Variants in KCTD2 observed in about 807,000 individuals in gnomAD.
The protein encoded by KCTD2 is potassium channel tetramerization domain containing 2.
KCTD2 carries 18 observed loss-of-function variants against 27.9 expected under a neutral mutation model. That is an observed-to-expected ratio of 0.64 (90% CI 0.45 to 0.96). KCTD2 has a LOEUF of 0.96. Among genes scored for constraint, KCTD2 ranks in the 40% least tolerant of loss-of-function variants. The pLI is 0.00. For synonymous variants in KCTD2, 175 were observed against 148.4 expected, an observed-to-expected ratio of 1.18 and a Z score of -1.30; for missense variants, 280 against 348.0, an observed-to-expected ratio of 0.80 and a Z score of 1.56.
At chr17:75,046,303 C>G (rs1425928527), upstream of KCTD2, among the ~76,000 whole-genome samples, 1 of 152,126 alleles carries the variant, frequency 6.6e-6, no homozygotes, top group Non-Finnish European at 1.5e-5. Context: ...AGGCTGGTCT[C>G]GAACTCCTGA....
In KCTD2 at chr17:75,038,928, A is replaced by G. The variant is rs747857577; in HGVS notation, c.-259+3571A>G. On this transcript the variant is annotated intron_variant, in intron 3 of 7. Transcript: ENST00000581589. ...AGGGCCAGAGCTTCCTCCTGGACTC[A>G]ATTTTATAAATTCTCAATTGGTTGG... 2.5e-5 allele frequency: 40 copies of G among 1,612,148 alleles called. No homozygotes were observed. The South Asian group carries it at 4.4e-4, about 18-fold the overall frequency.
At position 75,063,353 on chromosome 17, in the gene KCTD2, T is replaced by C. The variant is rs2144945196; in HGVS notation, c.*306T>C. The C allele has an allele frequency of 9.5e-6, 4 of 420,608 alleles. No individual in the cohort carries two copies. The Admixed American group carries it at 1.0e-4, about 11-fold the overall frequency. 26.1% of individuals were successfully genotyped at this position (420,608 alleles called of 1,614,324 possible). The stretch of plus-strand genomic sequence containing the variant: ...TCCCAGTCGGAGCCTTTCGGGGATC[T>C]GGGGGATGAGGGCGGAAGGCCTAGC... On this transcript the variant is annotated 3_prime_UTR_variant, in exon 6 of 6. Coordinates refer to ENST00000322444, the MANE Select transcript of KCTD2 (RefSeq NM_015353.3).
upstream of KCTD2, among the ~76,000 whole-genome samples, chr17:75,046,151 C>T (rs542844571): frequency 6.6e-6 from 1 of 152,222 alleles, no homozygotes; most frequent in Non-Finnish European, 1.5e-5. Context: ...GGCGTGGTCT[C>T]GGCTCACTGC....
At position 75,038,954 on chromosome 17, in the gene KCTD2, T is replaced by G. The variant is rs1217437097; in HGVS notation, c.-259+3597T>G. The G allele has an allele frequency of 1.7e-5, 27 of 1,613,602 alleles. No homozygotes were observed. Among genetic ancestry groups the G allele is most frequent in the Non-Finnish European group, 1.9e-5 (22 of 1,179,856 alleles). On this transcript the variant is annotated intron_variant, in intron 3 of 7. Transcript: ENST00000581589. ...ATTTTATAAATTCTCAATTGGTTGG[T>G]GAGGCCAATAGGGATACTTTTTCTT...
intron 5 of KCTD2, 102 bp from the exon 6 acceptor site, chr17:75,062,916 A>T: frequency 7.9e-7 from 1 of 1,267,696 alleles, no homozygotes; most frequent in Admixed American, 1.8e-5. Flanking sequence ...TCCTGGGATG[A>T]CAGGACCATC....
intron 3 of KCTD2, chr17:75,038,922 G>A: frequency 1.2e-6 from 2 of 1,611,718 alleles, no homozygotes; most frequent in South Asian, 2.2e-5. Flanking sequence ...GCTTCCTCCT[G>A]GACTCAATTT....
intron 3 of KCTD2, among the ~76,000 whole-genome samples, chr17:75,037,522 G>A (rs1328462695): frequency 1.4e-4 from 22 of 152,134 alleles, no homozygotes. Context: ...ATTTGTAAAT[G>A]AGAAAATTAA....
intron 1 of KCTD2, 119 bp downstream of exon 1, chr17:75,047,708 C>T: frequency 6.8e-6 from 6 of 880,180 alleles, no homozygotes; most frequent in Non-Finnish European, 1.0e-5. Context: ...GGGACCCCAT[C>T]CTCCCCCTCC....
intron 2 of KCTD2, among the ~76,000 whole-genome samples, chr17:75,052,267 A>C (rs1370667046): frequency 6.6e-6 from 1 of 152,218 alleles, no homozygotes; most frequent in East Asian, 1.9e-4. Context: ...TAGCAGAAGG[A>C]GAGAGATTGG....
chr17:75,062,948 G>A, intron 5 of KCTD2, 70 bp from the exon 6 acceptor site: 8 of 1,548,266 alleles, frequency 5.2e-6, no homozygotes, highest in Non-Finnish European at 7.1e-6. Flanking sequence ...CGGGTCCAGT[G>A]GAAAGCATCC....
intron 3 of KCTD2, among the ~76,000 whole-genome samples, chr17:75,054,757 A>G (rs1451595276): frequency 6.6e-6 from 1 of 151,938 alleles, no homozygotes; most frequent in African/African-American, 2.4e-5. Context: ...TAGTGAGCCA[A>G]GATCGCACCA....
intron 3 of KCTD2, among the ~76,000 whole-genome samples, chr17:75,038,468 T>C (rs1268503763): frequency 2.0e-5 from 3 of 152,184 alleles, no homozygotes; most frequent in Admixed American, 6.5e-5. Context: ...TAATACCACT[T>C]TTGTGCTCAA....
In KCTD2 at chr17:75,047,493, C is replaced by T. The variant is rs768892576; in HGVS notation, c.243C>T (p.Thr81=). 1.9e-6 allele frequency: 3 copies of T among 1,603,208 alleles called. No homozygotes were observed. Among genetic ancestry groups the T allele is most frequent in the South Asian group, 1.1e-5 (1 of 90,852 alleles). The stretch of plus-strand genomic sequence containing the variant: ...GGGTCAGGCTGAACGTGGGAGGCAC[C>T]TACTTCGTGACCACCAGACAGACCT... ...ARWVRLNVGG[T]YFVTTRQTLG... is the part of the protein sequence containing the mutation. The change falls in exon 1 of 6, where the codon ACC becomes ACT. Residue 81 remains threonine (T), a synonymous_variant. Transcript: ENST00000322444.
chr17:75,050,783 A>G (rs2144927609), intron 2 of KCTD2, among the ~76,000 whole-genome samples: 1 of 152,284 alleles, frequency 6.6e-6, no homozygotes, highest in East Asian at 1.9e-4. Context: ...AGAACTCCCT[A>G]TATCCCAGAT....
chr17:75,051,346 A>G (rs12940952), intron 2 of KCTD2, among the ~76,000 whole-genome samples: 14,679 of 126,008 alleles, frequency 0.12, 1,501 homozygotes, highest in African/African-American at 0.3. Flanking sequence ...GTGCAATGGC[A>G]CTATCACAGC....
chr17:75,038,701 T>C (rs952608133), intron 3 of KCTD2, among the ~76,000 whole-genome samples: 2 of 152,166 alleles, frequency 1.3e-5, no homozygotes, highest in African/African-American at 4.8e-5. Flanking sequence ...TCAGCAGTCC[T>C]GGGGCCTCAG....
At position 75,047,352 on chromosome 17, in the gene KCTD2, A is replaced by G; in HGVS notation, c.102A>G (p.Pro34=). Reference sequence around the variant, plus strand: ...GCCCAGTCCGCGGGCCCCCCAGCCCACGCCCGGCTGGCCCCACGCCCCGCG... The same window carrying G: ...GCCCAGTCCGCGGGCCCCCCAGCCCGCGCCCGGCTGGCCCCACGCCCCGCG... ...GGGPVRGPPS[P]RPAGPTPRGH... Residue 34 remains proline, a synonymous_variant, in exon 1 of 6, where the codon CCA becomes CCG. Coordinates refer to ENST00000322444, the MANE Select transcript of KCTD2 (RefSeq NM_015353.3). The G allele has an allele frequency of 8.7e-7, 1 of 1,143,380 alleles. No individual in the cohort carries two copies. The allele number at this position is 1,143,380 out of a possible 1,614,324, so 70.8% of individuals were successfully genotyped here.
chr17:75,040,363 AG>A (rs2073146711), intron 3 of KCTD2: 1 of 612,380 alleles, frequency 1.6e-6, no homozygotes, highest in East Asian at 2.8e-5. Flanking sequence ...GACTGGGAAC[AG>A]GAGCTCAAGG....
intron 3 of KCTD2, among the ~76,000 whole-genome samples, chr17:75,058,863 C>T (rs753625031): frequency 6.6e-6 from 1 of 151,510 alleles, no homozygotes; most frequent in Non-Finnish European, 1.5e-5. Flanking sequence ...TTTGGGAGGC[C>T]GAGGCGGGTG....
Sources: allele counts gnomAD v4.1 joint callset (sites outside exome capture counted in the v4.1 genomes callset), GRCh38; gene constraint gnomAD v4.1.1; transcripts MANE v1.5; gene names NCBI Gene and HGNC (gene_info 2026-07-23, HGNC 2026-07-21).